The following MRE11 variants were observed in gnomAD, a reference collection of about 807,000 sequenced individuals.
The protein encoded by MRE11 is double-strand break repair protein MRE11.
A neutral mutation model predicts 91.7 loss-of-function variants in MRE11; 62 were observed. The observed-to-expected ratio is 0.68, with a 90% CI of 0.55 to 0.84. MRE11 has a LOEUF of 0.84. Ranked by LOEUF, MRE11 falls within the 40% of genes least tolerant of loss-of-function variation. The pLI is 0.00. For synonymous variants in MRE11, 273 were observed against 271.4 expected, an observed-to-expected ratio of 1.01 and a Z score of -0.06; for missense variants, 796 against 852.9, an observed-to-expected ratio of 0.93 and a Z score of 0.83.
upstream of MRE11, chr11:94,497,137 AG>A: frequency 1.4e-6 from 1 of 720,422 alleles, no homozygotes; most frequent in Non-Finnish European, 2.3e-6. Flanking sequence ...TGGGGGTTTA[AG>A]GATAATTATC....
At chr11:94,480,708 G>C (rs572342839) in intron 4 of MRE11, among the ~76,000 whole-genome samples, 1 of 152,308 alleles carries the variant, frequency 6.6e-6, no homozygotes, top group Admixed American at 6.5e-5. Flanking sequence ...GCACAAGAGG[G>C]ACAGTTTTCC....
intron 7 of MRE11, among the ~76,000 whole-genome samples, chr11:94,473,898 C>T (rs1255292162): frequency 6.6e-6 from 1 of 151,910 alleles, no homozygotes; most frequent in Non-Finnish European, 1.5e-5. Context: ...TAATATGATC[C>T]AGGCTTCTGT....
intron 16 of MRE11, among the ~76,000 whole-genome samples, chr11:94,441,524 A>G (rs1166084182): frequency 6.6e-6 from 1 of 152,234 alleles, no homozygotes; most frequent in Non-Finnish European, 1.5e-5. Flanking sequence ...GAACCCACAG[A>G]AACAGACAAC....
intron 19 of MRE11, among the ~76,000 whole-genome samples, chr11:94,428,568 C>T (rs143854808): frequency 1.6e-3 from 247 of 152,174 alleles, no homozygotes; most frequent in African/African-American, 5.5e-3. Flanking sequence ...AGCTTCTGCA[C>T]AGTAAAACTA....
chr11:94,478,919 G>A (rs2135086646), intron 5 of MRE11, 43 bp from the exon 6 acceptor site: 1 of 1,598,396 alleles, frequency 6.3e-7, no homozygotes, highest in East Asian at 2.2e-5. Flanking sequence ...GTATGTAAAA[G>A]TAGGTATCTG....
intron 17 of MRE11, among the ~76,000 whole-genome samples, chr11:94,436,294 T>C (rs1205186094): frequency 6.6e-6 from 1 of 152,236 alleles, no homozygotes; most frequent in Non-Finnish European, 1.5e-5. Context: ...TAGATATCTT[T>C]CTGTTAAATC....
intron 11 of MRE11, 101 bp from the exon 12 acceptor site, chr11:94,461,137 G>C (rs529126): frequency 4.3e-6 from 4 of 921,214 alleles, no homozygotes; most frequent in Non-Finnish European, 6.6e-6. Context: ...CCAAACTTTA[G>C]CAACTGCCAG....
the MRE11 span, among the ~76,000 whole-genome samples, chr11:94,503,026 G>A: frequency 1.3e-5 from 2 of 152,004 alleles, no homozygotes. Flanking sequence ...ATACTTATGT[G>A]CAAATTTCTT....
At chr11:94,432,476 C>T (rs1945486718) in intron 18 of MRE11, among the ~76,000 whole-genome samples, 1 of 152,230 alleles carries the variant, frequency 6.6e-6, no homozygotes, top group Admixed American at 6.5e-5. Flanking sequence ...TAAGTACCAT[C>T]TGCACGCTGT....
rs1194857623 is a variant in MRE11, at chr11:94,460,965, C to T, written c.1297G>A (p.Val433Ile). 1.2e-6 allele frequency: 2 copies of T among 1,613,762 alleles called. No individual in the cohort carries two copies. Among genetic ancestry groups the T allele is most frequent in the South Asian group, 1.1e-5 (1 of 91,074 alleles). The change falls in exon 12 of 20, where the codon GTA becomes ATA. Residue 433 changes from valine (V) to isoleucine (I), a missense_variant. Val to Ile is a conservative substitution (Grantham distance 29). Coordinates refer to ENST00000323929, the MANE Select transcript of MRE11 (RefSeq NM_005591.4). ...EGTTLRVEDL[V>I]KQYFQTAEKN... ...TCTGCGGTTTGAAAGTACTGTTTTA[C>T]AAGATCTTCTACCCTTAAAGTTGTT... is the stretch of plus-strand genomic sequence containing the variant.
At chr11:94,509,525 C>T in the MRE11 span, among the ~76,000 whole-genome samples, 1 of 152,120 alleles carries the variant, frequency 6.6e-6, no homozygotes, top group African/African-American at 2.4e-5. Flanking sequence ...TCACTGCAAC[C>T]TCTACCTCCC....
Position 94,419,938 on chromosome 11 carries a change from C to T in MRE11, c.*187G>A. 1 of 475,642 alleles carries T rather than the reference C, an allele frequency of 2.1e-6. No homozygotes were observed. The highest frequency in any genetic ancestry group is 3.8e-6 in the Non-Finnish European group (1 of 263,660). 29.5% of individuals were successfully genotyped at this position (475,642 alleles called of 1,614,324 possible). A position where few individuals can be genotyped will look rare whatever the true frequency, so the allele number is the denominator to read the frequency against. Reference sequence around the variant, plus strand: ...TCAAGAGTGATATTGAAACAAAGCTCTTACTACAACAACCAGGTTAAAAAA... The same window carrying T: ...TCAAGAGTGATATTGAAACAAAGCTTTTACTACAACAACCAGGTTAAAAAA... On this transcript the variant is annotated 3_prime_UTR_variant, in exon 20 of 20. Transcript: ENST00000323929.
At chr11:94,500,988 T>C in the MRE11 span, among the ~76,000 whole-genome samples, 1 of 152,216 alleles carries the variant, frequency 6.6e-6, no homozygotes, top group African/African-American at 2.4e-5. Flanking sequence ...TAGGAATTTA[T>C]GCAACTGCCT....
chr11:94,501,009 A>G, the MRE11 span, among the ~76,000 whole-genome samples: 526 of 152,292 alleles, frequency 3.5e-3, 1 homozygote, highest in Non-Finnish European at 6.1e-3. Flanking sequence ...ACAAAATAAT[A>G]TCACCAAATC....
At position 94,456,263 on chromosome 11, in the gene MRE11, GC is replaced by G; in HGVS notation, c.1563+12del. The G allele has an allele frequency of 1.9e-6, 3 of 1,611,916 alleles. No individual in the cohort carries two copies. The highest frequency in any genetic ancestry group is 2.5e-6 in the Non-Finnish European group (3 of 1,178,628). ...TGATATATAAACACAAGAATTTGCA[GC>G]AGAATAATTACCTCACGGACTTCAT... On this transcript the variant is annotated intron_variant, in intron 14 of 19. Transcript: ENST00000323929.
intron 16 of MRE11, among the ~76,000 whole-genome samples, chr11:94,440,933 T>C (rs1414549487): frequency 1.3e-5 from 2 of 152,214 alleles, no homozygotes; most frequent in African/African-American, 2.4e-5. Flanking sequence ...GGGTTGCCTC[T>C]AGAGATAACA....
chr11:94,478,234 C>A (rs1457383378), intron 6 of MRE11, among the ~76,000 whole-genome samples: 1 of 152,120 alleles, frequency 6.6e-6, no homozygotes, highest in South Asian at 2.1e-4. Context: ...TCCCTAATAA[C>A]ACTGCAGTGA....
At chr11:94,479,207 C>A (rs1946953033) in intron 5 of MRE11, among the ~76,000 whole-genome samples, 1 of 152,014 alleles carries the variant, frequency 6.6e-6, no homozygotes, top group Admixed American at 6.6e-5. Flanking sequence ...GAAAAAAGAC[C>A]ATAGATAATC....
rs188810883 is a variant in MRE11, at chr11:94,438,683, T to C, written c.1868-1448A>G. Among the ~76,000 whole-genome samples the C allele has an allele frequency of 2.8e-3, 427 of 152,310 alleles. 3 individuals are homozygous for C. Among genetic ancestry groups the C allele is most frequent in the African/African-American group, 9.4e-3 (392 of 41,576 alleles). Reference sequence around the variant, plus strand: ...ATAATTTTATCAGAAAACTAAGCAATATGTTCTGTTAGGAAGACAATAAAG... The same window carrying C: ...ATAATTTTATCAGAAAACTAAGCAACATGTTCTGTTAGGAAGACAATAAAG... On this transcript the variant is annotated intron_variant, in intron 16 of 19. Transcript: ENST00000323929.
Sources: gnomAD v4.1 joint callset for allele counts (sites outside exome capture counted in the v4.1 genomes callset) on GRCh38, gnomAD v4.1.1 for gene constraint, MANE v1.5 for transcripts, NCBI Gene and HGNC (gene_info 2026-07-23, HGNC 2026-07-21) for gene names.